MTMR8: variants seen among roughly 807,000 people sequenced by gnomAD.
The protein encoded by MTMR8 is phosphatidylinositol-3,5-bisphosphate 3-phosphatase MTMR8.
Under a neutral mutation model 39.3 loss-of-function variants are expected in MTMR8, and 65 were observed. The observed-to-expected ratio is 1.65, with a 90% CI of 1.35 to 2.03. The LOEUF (loss-of-function observed/expected upper bound fraction) is 2.03. Ranked by LOEUF, MTMR8 falls within the 30% of genes most tolerant of loss-of-function variation. MTMR8 has a pLI of 0.00. For synonymous variants in MTMR8, 245 were observed against 185.2 expected, an observed-to-expected ratio of 1.32 and a Z score of -2.62; for missense variants, 777 against 538.9, an observed-to-expected ratio of 1.44 and a Z score of -4.37.
At chrX:64,286,750 C>T (rs1211486850) in intron 12 of MTMR8, among the ~76,000 whole-genome samples, 3 of 111,421 alleles carry the variant, frequency 2.7e-5, no homozygotes, top group Non-Finnish European at 5.7e-5. Context: ...AGGCCTTTGA[C>T]AAAATTCAAC....
chrX:64,369,979 A>G (rs1924085195), intron 1 of MTMR8, among the ~76,000 whole-genome samples: 1 of 111,539 alleles, frequency 9.0e-6, no homozygotes, highest in Non-Finnish European at 1.9e-5. Flanking sequence ...AACAACTATC[A>G]TGTTTTGAAA....
chrX:64,270,690 A>G (rs1931741393), intron 13 of MTMR8, among the ~76,000 whole-genome samples: 1 of 111,717 alleles, frequency 9.0e-6, no homozygotes, highest in Non-Finnish European at 1.9e-5. Context: ...TGTTCCTCCT[A>G]TTCATTCCAT....
chrX:64,381,394 C>A (rs751721517), intron 1 of MTMR8, among the ~76,000 whole-genome samples: 1 of 108,420 alleles, frequency 9.2e-6, no homozygotes, highest in African/African-American at 3.3e-5. Flanking sequence ...GCATAAATGT[C>A]TTTTTTTGAG....
At chrX:64,315,126 C>A (rs765209213) in intron 12 of MTMR8, among the ~76,000 whole-genome samples, 1 of 112,287 alleles carries the variant, frequency 8.9e-6, no homozygotes, top group East Asian at 2.8e-4. Context: ...TGCTCCACAA[C>A]TGGCTGGCAT....
At chrX:64,391,368 C>A (rs1350715475) in intron 1 of MTMR8, among the ~76,000 whole-genome samples, 1 of 112,371 alleles carries the variant, frequency 8.9e-6, no homozygotes, top group African/African-American at 3.2e-5. Flanking sequence ...TAAAGAGATT[C>A]ATGAATTAAA....
At chrX:64,329,178 C>T (rs767652833) in intron 11 of MTMR8, among the ~76,000 whole-genome samples, 1 of 111,761 alleles carries the variant, frequency 8.9e-6, no homozygotes, top group East Asian at 2.8e-4. Flanking sequence ...TGTGGAATAG[C>T]TGTGTGATCT....
At chrX:64,384,181 C>A (rs1243800840) in intron 1 of MTMR8, among the ~76,000 whole-genome samples, 1 of 112,033 alleles carries the variant, frequency 8.9e-6, no homozygotes. Context: ...GACTCCATGT[C>A]CCACATCCAG....
intron 12 of MTMR8, among the ~76,000 whole-genome samples, chrX:64,287,064 C>A (rs1408046343): frequency 1.8e-5 from 2 of 111,410 alleles, no homozygotes; most frequent in Non-Finnish European, 1.9e-5. Context: ...CTAGAAAACC[C>A]CATTGTCTCA....
rs112845656 is a variant in MTMR8 at position 64,293,507 on chromosome X, G to T, written c.1482-22434C>A. 3.7e-3 allele frequency among the ~76,000 whole-genome samples: 407 copies of T among 111,109 alleles called. 2 individuals are homozygous for T. The highest frequency in any genetic ancestry group is 0.012 in the African/African-American group (382 of 30,616). On this transcript the variant is annotated intron_variant, in intron 12 of 13. Coordinates refer to ENST00000374852, the MANE Select transcript of MTMR8 (RefSeq NM_017677.4). Reference sequence around the variant, plus strand: ...TGAAGCAAGTATTAACATTTACTAGGGTTAGATTACAATCTGCAGCAGGTA... The same window carrying T: ...TGAAGCAAGTATTAACATTTACTAGTGTTAGATTACAATCTGCAGCAGGTA...
At chrX:64,370,421 C>T in intron 1 of MTMR8, among the ~76,000 whole-genome samples, 1 of 109,804 alleles carries the variant, frequency 9.1e-6, no homozygotes, top group East Asian at 2.9e-4. Flanking sequence ...ACATAAAATC[C>T]CTAGCCCAAT....
At chrX:64,304,817 T>C (rs1173791447) in intron 12 of MTMR8, among the ~76,000 whole-genome samples, 4 of 89,849 alleles carry the variant, frequency 4.5e-5, no homozygotes, top group Non-Finnish European at 2.2e-5. Context: ...CCCAATTTAA[T>C]GCAGAAGCAG....
chrX:64,354,827 C>A lies in MTMR8; in HGVS notation c.418G>T (p.Gly140Ter). The A allele has an allele frequency of 8.3e-7, 1 of 1,205,636 alleles. No homozygotes were observed. Residue 140 changes from glycine to a stop codon, truncating the protein, a stop_gained, in exon 4 of 14, where the codon GGA becomes TGA. Transcript: ENST00000374852. LOFTEE classifies it high-confidence loss of function. ...IDPISDFGRM[G>*]IPNRNWTITD... Reference sequence around the variant, plus strand: ...ATGGTCCAGTTTCTGTTGGGTATTCCCATACGCCCAAAGTCTGATATTGGG... The same window carrying A: ...ATGGTCCAGTTTCTGTTGGGTATTCACATACGCCCAAAGTCTGATATTGGG...
chrX:64,359,730 C>A (rs1295168105), intron 1 of MTMR8, among the ~76,000 whole-genome samples: 1 of 110,255 alleles, frequency 9.1e-6, no homozygotes, highest in Non-Finnish European at 1.9e-5. Flanking sequence ...AGAGGAAAAC[C>A]CGTATTCTAG....
At chrX:64,381,584 G>A (rs948795774) in intron 1 of MTMR8, among the ~76,000 whole-genome samples, 4 of 108,834 alleles carry the variant, frequency 3.7e-5, no homozygotes, top group African/African-American at 1.3e-4. Flanking sequence ...AGTTTCTTTT[G>A]CTGTGCAGAA....
chrX:64,304,907 T>TACAC (rs1555950536), intron 12 of MTMR8: 2 of 72,405 alleles, frequency 2.8e-5, no homozygotes, highest in African/African-American at 8.8e-5. Flanking sequence ...TATATATATA[T>TACAC]ACACATACAT....
chrX:64,268,996 A>G lies in MTMR8; in HGVS notation c.1656T>C (p.Ser552=). The change falls in exon 14 of 14, where the codon TCT becomes TCC. Residue 552 remains serine (S), a synonymous_variant. Transcript: ENST00000374852. ...GCTGGGATAATATGTTTCCTAATTG[A>G]GAGCAGGTACAGATCTCTTCTGGTG... ...DEPPEEICTC[S]QLGNILSQHL... is the part of the protein sequence containing the mutation. 1 of 1,211,779 alleles carries G rather than the reference A, an allele frequency of 8.3e-7. No individual in the cohort carries two copies. The highest frequency in any genetic ancestry group is 1.1e-6 in the Non-Finnish European group (1 of 895,418).
At chrX:64,366,853 C>T (rs763316047) in intron 1 of MTMR8, among the ~76,000 whole-genome samples, 1 of 111,227 alleles carries the variant, frequency 9.0e-6, no homozygotes, top group Non-Finnish European at 1.9e-5. Flanking sequence ...ATTGATAGAC[C>T]ACTAGCAAGA....
At chrX:64,366,407 T>A (rs998171284) in intron 1 of MTMR8, among the ~76,000 whole-genome samples, 4 of 112,022 alleles carry the variant, frequency 3.6e-5, no homozygotes, top group Non-Finnish European at 5.6e-5. Flanking sequence ...ACAAACTGTC[T>A]CTCAGACCAC....
intron 7 of MTMR8, among the ~76,000 whole-genome samples, chrX:64,344,201 T>C: frequency 9.0e-6 from 1 of 111,452 alleles, no homozygotes; most frequent in Non-Finnish European, 1.9e-5. Context: ...GAGGGAAATC[T>C]TTTGCCTTAA....
Sources: gnomAD v4.1 joint callset for allele counts (sites outside exome capture counted in the v4.1 genomes callset) on GRCh38, gnomAD v4.1.1 for gene constraint, MANE v1.5 for transcripts, NCBI Gene and HGNC (gene_info 2026-07-23, HGNC 2026-07-21) for gene names.